Variants in AGTPBP1 observed in about 807,000 individuals in gnomAD.
The protein encoded by AGTPBP1 is ATP/GTP binding carboxypeptidase 1, also known as cytosolic carboxypeptidase 1.
Under a neutral mutation model 143.9 loss-of-function variants are expected in AGTPBP1, and 70 were observed. That is an observed-to-expected ratio of 0.49 (90% confidence interval 0.40 to 0.59). The LOEUF (loss-of-function observed/expected upper bound fraction) is 0.59. Among genes scored for constraint, AGTPBP1 ranks in the 20% least tolerant of loss-of-function variants. The pLI, the probability that AGTPBP1 is intolerant of heterozygous loss-of-function variation, is 0.00. For missense variants in AGTPBP1, 1,229 were observed against 1,464.5 expected, an observed-to-expected ratio of 0.84 and a Z score of 2.62; for synonymous variants, 463 against 500.2, an observed-to-expected ratio of 0.93 and a Z score of 0.99.
chr9:85,660,597 A>C (rs1212872433), intron 9 of AGTPBP1, among the ~76,000 whole-genome samples: 1 of 152,116 alleles, frequency 6.6e-6, no homozygotes, highest in Non-Finnish European at 1.5e-5. Flanking sequence ...CTTATAGTAA[A>C]AGTTCAATAC....
chr9:85,565,749 T>A (rs1827044955), intron 25 of AGTPBP1, among the ~76,000 whole-genome samples: 1 of 152,120 alleles, frequency 6.6e-6, no homozygotes, highest in Admixed American at 6.5e-5. Flanking sequence ...CCTAATACTA[T>A]CTCCTCAAGC....
the AGTPBP1 span, among the ~76,000 whole-genome samples, chr9:85,761,364 C>T: frequency 6.6e-6 from 1 of 152,212 alleles, no homozygotes; most frequent in East Asian, 1.9e-4. Flanking sequence ...CGCTACCTGA[C>T]TTCAAACTAT....
chr9:85,687,397 CCAA>C (rs750829130), intron 3 of AGTPBP1, among the ~76,000 whole-genome samples: 1 of 151,998 alleles, frequency 6.6e-6, no homozygotes, highest in Non-Finnish European at 1.5e-5. Context: ...AACACTTCAC[CCAA>C]CAACAGCAGA....
rs1187459225 is a variant in AGTPBP1, at chr9:85,728,076, C to CACACAT, written c.-34+13698_-34+13699insATGTGT. Among the ~76,000 whole-genome samples, 510 of 144,204 alleles carry CACACAT rather than the reference C, an allele frequency of 3.5e-3. 3 individuals are homozygous for CACACAT. Among genetic ancestry groups the CACACAT allele is most frequent in the Middle Eastern group, 0.011 (3 of 284 alleles). The allele number at this position is 144,204 out of a possible 152,430, so 94.6% of individuals were successfully genotyped here. ...ACACACACACACACACACACACACACATATTTACTTCAAGTGACAAGATTC... is the reference window on the plus strand; with the variant it reads ...ACACACACACACACACACACACACACACACATATATTTACTTCAAGTGACAAGATTC... On this transcript the variant is annotated intron_variant, in intron 1 of 25. Transcript: ENST00000357081.
upstream of AGTPBP1, among the ~76,000 whole-genome samples, chr9:85,743,721 G>A (rs1824526660): frequency 1.3e-5 from 2 of 152,110 alleles, no homozygotes; most frequent in South Asian, 4.2e-4. Flanking sequence ...AACGCTACCA[G>A]CTCAGGCTGC....
At chr9:85,792,446 T>C in the AGTPBP1 span, among the ~76,000 whole-genome samples, 2 of 152,216 alleles carry the variant, frequency 1.3e-5, no homozygotes, top group African/African-American at 4.8e-5. Flanking sequence ...CCTGGGAGGG[T>C]TGGACAGCAT....
At chr9:85,752,992 G>C in the AGTPBP1 span, among the ~76,000 whole-genome samples, 1 of 152,114 alleles carries the variant, frequency 6.6e-6, no homozygotes, top group East Asian at 1.9e-4. Context: ...TCTAGTCTAG[G>C]TTACAGAATG....
intron 1 of AGTPBP1, among the ~76,000 whole-genome samples, chr9:85,728,034 C>T (rs200147613): frequency 0.12 from 13,162 of 106,822 alleles, 1,104 homozygotes; most frequent in East Asian, 0.48. Context: ...TTTATATACA[C>T]ACACACACAC....
At chr9:85,569,782 C>G (rs2132967754) in intron 25 of AGTPBP1, among the ~76,000 whole-genome samples, 1 of 152,262 alleles carries the variant, frequency 6.6e-6, no homozygotes, top group East Asian at 1.9e-4. Context: ...CATAGAAGTC[C>G]CAGGCTACTA....
chr9:85,742,485 T>C (rs1282332795), upstream of AGTPBP1, among the ~76,000 whole-genome samples: 1 of 150,900 alleles, frequency 6.6e-6, no homozygotes, highest in Admixed American at 6.6e-5. Context: ...TCAAGGAGGG[T>C]CCATAATAAG....
chr9:85,621,199 T>A lies in AGTPBP1; in HGVS notation c.2099+3A>T. ...ATAAAAGTTCATTAAAATCAAGACTTACTTTGGGTTATCCAAGTCATATAC... is the reference window on the plus strand; with the variant it reads ...ATAAAAGTTCATTAAAATCAAGACTAACTTTGGGTTATCCAAGTCATATAC... On this transcript the variant is annotated splice_donor_region_variant and intron_variant, in intron 15 of 25. Coordinates refer to ENST00000357081, the MANE Select transcript of AGTPBP1 (RefSeq NM_001330701.2). 7.0e-7 allele frequency: 1 copy of A among 1,435,854 alleles called. No homozygotes were observed. The allele number at this position is 1,435,854 out of a possible 1,614,324, so 88.9% of individuals were successfully genotyped here.
At chr9:85,718,521 G>GT (rs1564178709) in intron 1 of AGTPBP1, among the ~76,000 whole-genome samples, 1 of 151,916 alleles carries the variant, frequency 6.6e-6, no homozygotes, top group Non-Finnish European at 1.5e-5. Context: ...GGGTTGTTTG[G>GT]TTTTTTCTGG....
At chr9:85,594,950 C>A (rs1829200979) in intron 18 of AGTPBP1, among the ~76,000 whole-genome samples, 1 of 152,132 alleles carries the variant, frequency 6.6e-6, no homozygotes, top group South Asian at 2.1e-4. Context: ...TAAAATCTAG[C>A]CAAGCACTGC....
chr9:85,787,409 G>A, the AGTPBP1 span, among the ~76,000 whole-genome samples: 1 of 152,140 alleles, frequency 6.6e-6, no homozygotes, highest in African/African-American at 2.4e-5. Flanking sequence ...TGTCTGTAAA[G>A]CTTGAAGTCT....
At chr9:85,598,867 C>T (rs1300152431) in intron 17 of AGTPBP1, among the ~76,000 whole-genome samples, 1 of 151,938 alleles carries the variant, frequency 6.6e-6, no homozygotes, top group Non-Finnish European at 1.5e-5. Flanking sequence ...ACTACAGGCG[C>T]ATGCCACCGT....
chr9:85,584,286 T>C (rs1365369956), intron 23 of AGTPBP1, among the ~76,000 whole-genome samples: 1 of 152,164 alleles, frequency 6.6e-6, no homozygotes. Flanking sequence ...TTGTTGACTG[T>C]TGACATGTTG....
chr9:85,598,968 C>T (rs1309569862), intron 17 of AGTPBP1, among the ~76,000 whole-genome samples: 3 of 152,158 alleles, frequency 2.0e-5, no homozygotes, highest in South Asian at 2.1e-4. Flanking sequence ...GTCATCCGCC[C>T]GCCTCGGCCT....
At chr9:85,753,626 C>T in the AGTPBP1 span, among the ~76,000 whole-genome samples, 1 of 151,988 alleles carries the variant, frequency 6.6e-6, no homozygotes, top group South Asian at 2.1e-4. Flanking sequence ...GTGGCGGGTG[C>T]TTGTAATCCC....
intron 10 of AGTPBP1, among the ~76,000 whole-genome samples, chr9:85,656,790 A>G (rs1833537434): frequency 6.6e-6 from 1 of 152,128 alleles, no homozygotes; most frequent in African/African-American, 2.4e-5. Flanking sequence ...AAAAGCCTCT[A>G]TCCAGCAGGA....
Sources: gnomAD v4.1 joint callset for allele counts (sites outside exome capture counted in the v4.1 genomes callset) on GRCh38, gnomAD v4.1.1 for gene constraint, MANE v1.5 for transcripts, NCBI Gene and HGNC (gene_info 2026-07-23, HGNC 2026-07-21) for gene names.